Variants in GDF1 observed in about 807,000 individuals in gnomAD.
GDF1 encodes the protein embryonic growth/differentiation factor 1.
Under a neutral mutation model 7.4 loss-of-function variants are expected in GDF1, and 8 were observed. The ratio of observed to expected loss-of-function variants is 1.09; its 90% CI spans 0.64 to 1.96. The LOEUF is 1.96. Among genes scored for constraint, GDF1 ranks in the 30% most tolerant of loss-of-function variants. The pLI is 0.00. For missense variants in GDF1, 574 were observed against 551.5 expected (o/e 1.04, Z -0.41); for synonymous variants, 311 against 276.7 (o/e 1.12, Z -1.23).
intron 6 of GDF1, among the ~76,000 whole-genome samples, chr19:18,871,030 C>T (rs1432838749): frequency 6.6e-6 from 1 of 152,192 alleles, no homozygotes; most frequent in African/African-American, 2.4e-5. Context: ...TAGTCCTTGA[C>T]TCCAGTGGCC....
At chr19:18,886,648 C>T (rs1172768289) in intron 2 of GDF1, among the ~76,000 whole-genome samples, 2 of 152,356 alleles carry the variant, frequency 1.3e-5, no homozygotes, top group East Asian at 3.9e-4. Context: ...GGGTTGCTCC[C>T]TGTTCTCTGG....
At chr19:18,893,296 C>T (rs1197136516) in intron 2 of GDF1, 120 bp downstream of exon 2, 3 of 1,140,420 alleles carry the variant, frequency 2.6e-6, no homozygotes, top group African/African-American at 1.6e-5. Flanking sequence ...CTCCCCTTGG[C>T]CTCCAACTCC....
chr19:18,878,193 GC>G lies in GDF1; in HGVS notation c.-313+736del. ...CTTCCAGGGCCTTCCACAACCTCCT[GC>G]CCCGGCTCCTGCTCAAACACTCCTC... On this transcript the variant is annotated intron_variant, in intron 6 of 7. Transcript: ENST00000247005. The surrounding 1 kb of genome is among the most constrained non-coding windows in gnomAD (Gnocchi z 4.6). 3.0e-6 allele frequency: 3 copies of G among 985,494 alleles called. No homozygotes were observed. Among genetic ancestry groups the G allele is most frequent in the Non-Finnish European group, 3.6e-6 (3 of 830,070 alleles). 61.0% of individuals were successfully genotyped at this position (985,494 alleles called of 1,614,324 possible).
Position 18,878,814 on chromosome 19 carries a change from G to A in GDF1, c.-313+116C>T. 2 of 1,494,064 alleles carry A rather than the reference G, an allele frequency of 1.3e-6. No individual in the cohort carries two copies. Among genetic ancestry groups the A allele is most frequent in the South Asian group, 2.6e-5 (2 of 76,880 alleles). 92.6% of individuals were successfully genotyped at this position (1,494,064 alleles called of 1,614,324 possible). A position where few individuals can be genotyped will look rare whatever the true frequency, so the allele number is the denominator to read the frequency against. On this transcript the variant is annotated intron_variant, in intron 6 of 7. Transcript: ENST00000247005. The surrounding 1 kb of genome is among the most constrained non-coding windows in gnomAD (Gnocchi z 4.6). ...GTCTCTGTTTTGGAGTAGGCTTGGG[G>A]GGCAGCATCCGCGTCGGCCTCATCT...
rs1452075582 is a variant in GDF1, at chr19:18,868,745, A to G, written c.971T>C (p.Met324Thr). The G allele has an allele frequency of 7.2e-6, 11 of 1,524,016 alleles. No individual in the cohort carries two copies. The highest frequency in any genetic ancestry group is 6.0e-5 in the Admixed American group (3 of 49,606). The allele number at this position is 1,524,016 out of a possible 1,614,324, so 94.4% of individuals were successfully genotyped here. A position where few individuals can be genotyped will look rare whatever the true frequency, so the allele number is the denominator to read the frequency against. Residue 324 changes from methionine (M) to threonine (T), a missense_variant, in exon 8 of 8, where the codon ATG becomes ACG. Physicochemically the swap from Met to Thr is moderately conservative, Grantham distance 81 (BLOSUM62 -1). Coordinates refer to ENST00000247005, the MANE Select transcript of GDF1 (RefSeq NM_001492.6). ...ALNHAVLRAL[M>T]HAAAPGAADL... ...GGCGGCTCCCGGGGCGGCCGCGTGC[A>G]TGAGCGCGCGCAGCACAGCGTGGTT...
At chr19:18,879,422 AG>A (rs2056138814) in intron 4 of GDF1, 34 bp from the exon 5 acceptor site, 1 of 1,549,236 alleles carries the variant, frequency 6.5e-7, no homozygotes, top group Non-Finnish European at 8.7e-7. Context: ...CCGTGGGTGG[AG>A]GGGGACGGTG....
Position 18,871,784 on chromosome 19 carries a change from C to CCAT in GDF1, c.-312-1168_-312-1166dup, listed in dbSNP as rs1181799881. Among the ~76,000 whole-genome samples, 4 of 152,198 alleles carry CCAT rather than the reference C, an allele frequency of 2.6e-5. No individual in the cohort carries two copies. In the East Asian group the frequency reaches 7.7e-4, roughly 29 times the overall value. On this transcript the variant is annotated intron_variant, in intron 6 of 7. Transcript: ENST00000247005. ...AGGAGATAAGCCTTGCTTGGACCTC[C>CCAT]CATCTGTCACTTGTCTTCTGATTTT... is the stretch of plus-strand genomic sequence containing the variant.
rs1266249576 is a variant in GDF1, at chr19:18,870,874, A to G, written c.-312-255T>C. On this transcript the variant is annotated intron_variant, in intron 6 of 7. Coordinates refer to ENST00000247005, the MANE Select transcript of GDF1 (RefSeq NM_001492.6). The surrounding 1 kb of genome is among the most constrained non-coding windows in gnomAD (Gnocchi z 5.1). ...CTTCCTCCTTGCTTCCCCCTCTCCA[A>G]TTAAACCTTCCTCTTCCCCTCCTCC... 6.6e-6 allele frequency among the ~76,000 whole-genome samples: 1 copy of G among 150,744 alleles called. No homozygotes were observed. The highest frequency in any genetic ancestry group is 1.5e-5 in the Non-Finnish European group (1 of 67,624).
chr19:18,882,627 ACT>A (rs1346339810), intron 3 of GDF1, among the ~76,000 whole-genome samples: 4 of 150,266 alleles, frequency 2.7e-5, no homozygotes, highest in Non-Finnish European at 1.5e-5. Context: ...ACAGAGCGAG[ACT>A]CTGTCTCAAA....
intron 6 of GDF1, among the ~76,000 whole-genome samples, chr19:18,873,225 T>G (rs957643697): frequency 6.6e-6 from 1 of 152,026 alleles, no homozygotes; most frequent in African/African-American, 2.4e-5. Context: ...TTGAGATATT[T>G]TAGAAGATGC....
chr19:18,895,335 G>T lies in GDF1; in HGVS notation c.-1074+489C>A, dbSNP rs2056598977. ...CTCGCTCCGGGCCGGGGCGCAGCCC[G>T]CATGGCAGGGAGGCGCATGGCGCAG... On this transcript the variant is annotated intron_variant, in intron 1 of 7. Transcript: ENST00000247005. The surrounding 1 kb of genome is among the most constrained non-coding windows in gnomAD (Gnocchi z 6.4). Among the ~76,000 whole-genome samples the T allele has an allele frequency of 6.6e-6, 1 of 152,208 alleles. No homozygotes were observed. Among genetic ancestry groups the T allele is most frequent in the Non-Finnish European group, 1.5e-5 (1 of 68,030 alleles).
Position 18,870,635 on chromosome 19 carries a change from G to C in GDF1, c.-312-16C>G. 1.8e-6 allele frequency: 1 copy of C among 556,742 alleles called. No individual in the cohort carries two copies. Among genetic ancestry groups the C allele is most frequent in the Non-Finnish European group, 3.2e-6 (1 of 307,824 alleles). 34.5% of individuals were successfully genotyped at this position (556,742 alleles called of 1,614,324 possible). ...CAGTGGCTTCCTGGGGGTCAGAACC[G>C]GCGCAGGTTAGCCTGGGAGCCCCAC... On this transcript the variant is annotated splice_polypyrimidine_tract_variant and intron_variant, in intron 6 of 7. Coordinates refer to ENST00000247005, the MANE Select transcript of GDF1 (RefSeq NM_001492.6). This position sits in a 1 kb window ranked among gnomAD's most constrained non-coding sequence, Gnocchi z 5.1.
chr19:18,879,662 C>G (rs1568298269), intron 4 of GDF1, among the ~76,000 whole-genome samples: 1 of 149,702 alleles, frequency 6.7e-6, no homozygotes, highest in Non-Finnish European at 1.5e-5. Context: ...CCAGTCCCTC[C>G]CCTTCTCTGC....
chr19:18,888,519 TAAAAAAA>T (rs781426705), intron 2 of GDF1, among the ~76,000 whole-genome samples: 1 of 59,030 alleles, frequency 1.7e-5, no homozygotes, highest in Non-Finnish European at 3.0e-5. Flanking sequence ...CCCTGTCTCT[TAAAAAAA>T]AAAAAAAAAA....
At position 18,868,750 on chromosome 19, in the gene GDF1, C is replaced by T; in HGVS notation, c.966G>A (p.Ala322=). ...PPALNHAVLR[A]LMHAAAPGAA... ...CTCCCGGGGCGGCCGCGTGCATGAGCGCGCGCAGCACAGCGTGGTTGAGCG... is the reference window on the plus strand; with the variant it reads ...CTCCCGGGGCGGCCGCGTGCATGAGTGCGCGCAGCACAGCGTGGTTGAGCG... Residue 322 remains alanine, a synonymous_variant, in exon 8 of 8, where the codon GCG becomes GCA. Coordinates refer to ENST00000247005, the MANE Select transcript of GDF1 (RefSeq NM_001492.6). 2.0e-6 allele frequency: 3 copies of T among 1,521,270 alleles called. No individual in the cohort carries two copies. Among genetic ancestry groups the T allele is most frequent in the Non-Finnish European group, 2.7e-6 (3 of 1,129,540 alleles). 94.2% of individuals were successfully genotyped at this position (1,521,270 alleles called of 1,614,324 possible).
chr19:18,892,851 G>C (rs952294586), intron 2 of GDF1, among the ~76,000 whole-genome samples: 2 of 152,132 alleles, frequency 1.3e-5, no homozygotes, highest in African/African-American at 2.4e-5. Flanking sequence ...TTGTCTTGGG[G>C]CTGGCTTAAC....
In GDF1 at chr19:18,880,450, G is replaced by C. The variant is rs780029381; in HGVS notation, c.-732-15C>G. The C allele has an allele frequency of 6.4e-6, 10 of 1,572,410 alleles. No homozygotes were observed. The highest frequency in any genetic ancestry group is 7.8e-6 in the Non-Finnish European group (9 of 1,155,962). The stretch of plus-strand genomic sequence containing the variant: ...CATTGTGGTACCTGGGGGAGCAGCA[G>C]GCAGAGAGGAGAGGGCAGCTCACAT... On this transcript the variant is annotated splice_polypyrimidine_tract_variant and intron_variant, in intron 3 of 7. Transcript: ENST00000247005.
Position 18,879,224 on chromosome 19 carries a change from A to G in GDF1, c.-423+17T>C. 2 of 1,613,242 alleles carry G rather than the reference A, an allele frequency of 1.2e-6. No individual in the cohort carries two copies. The highest frequency in any genetic ancestry group is 8.5e-7 in the Non-Finnish European group (1 of 1,179,694). On this transcript the variant is annotated intron_variant, in intron 5 of 7. Coordinates refer to ENST00000247005, the MANE Select transcript of GDF1 (RefSeq NM_001492.6). ...GGACGGGACCGCCACTGTGGAGGAG[A>G]GCCGGGGCCGACTCACCAGGAACCA...
At chr19:18,887,016 T>C (rs2056378468) in intron 2 of GDF1, among the ~76,000 whole-genome samples, 1 of 152,202 alleles carries the variant, frequency 6.6e-6, no homozygotes, top group Admixed American at 6.6e-5. Flanking sequence ...CACTAGGGTG[T>C]GTGCCTGACA....
Sources: allele counts gnomAD v4.1 joint callset (sites outside exome capture counted in the v4.1 genomes callset), GRCh38; gene constraint gnomAD v4.1.1; non-coding constraint Gnocchi (gnomAD v3.1); transcripts MANE v1.5; gene names NCBI Gene and HGNC (gene_info 2026-07-23, HGNC 2026-07-21).